Variants in TGFA observed in about 807,000 individuals in gnomAD.
TGFA encodes protransforming growth factor alpha.
In TGFA, 12 loss-of-function variants were observed where a neutral mutation model predicts 21.7. The ratio of observed to expected loss-of-function variants is 0.55; its 90% CI spans 0.35 to 0.90. TGFA has a LOEUF of 0.90. Among genes scored for constraint, TGFA ranks in the 40% least tolerant of loss-of-function variants. The probability of loss-of-function intolerance (pLI) is 0.01; values close to 1 mark genes in which losing one functional copy is unlikely to be tolerated. For missense variants in TGFA, 178 were observed against 210.8 expected (o/e 0.84, Z 0.96); for synonymous variants, 79 against 88.1 (o/e 0.90, Z 0.58).
At chr2:70,451,826 C>T in intron 5 of TGFA, 1 of 675,018 alleles carries the variant, frequency 1.5e-6, no homozygotes, top group South Asian at 1.6e-5. Context: ...CCCACTGATT[C>T]CCAGTGGGAC....
At chr2:70,502,634 G>A (rs1359322201) in intron 2 of TGFA, among the ~76,000 whole-genome samples, 1 of 152,148 alleles carries the variant, frequency 6.6e-6, no homozygotes, top group African/African-American at 2.4e-5. Flanking sequence ...TGTTCTTTAA[G>A]TGTCAAAAAT....
rs1235725090 is a variant in TGFA at position 70,448,154 on chromosome 2, T to C, written c.*2705A>G. The stretch of plus-strand genomic sequence containing the variant: ...CCCATCCCTGGCTTGGTTCCACGTG[T>C]GTCCAGCCGGGGCCCTGTCTTCCAG... On this transcript the variant is annotated 3_prime_UTR_variant, in exon 6 of 6. Coordinates refer to ENST00000295400, the MANE Select transcript of TGFA (RefSeq NM_003236.4). The C allele has an allele frequency of 6.6e-6, 1 of 152,218 alleles. No individual in the cohort carries two copies. Among genetic ancestry groups the C allele is most frequent in the Non-Finnish European group, 1.5e-5 (1 of 68,038 alleles). The allele number at this position is 152,218 out of a possible 1,614,324, so 9.4% of individuals were successfully genotyped here.
At chr2:70,535,039 GT>G (rs3836149) in intron 1 of TGFA, among the ~76,000 whole-genome samples, 4 of 150,680 alleles carry the variant, frequency 2.7e-5, no homozygotes, top group East Asian at 3.9e-4. Context: ...CCTCAGTTCA[GT>G]TTTTTTTTTA....
intron 1 of TGFA, among the ~76,000 whole-genome samples, chr2:70,547,433 A>T (rs1456762708): frequency 6.6e-6 from 1 of 151,964 alleles, no homozygotes; most frequent in Non-Finnish European, 1.5e-5. Flanking sequence ...GTCTCTACTA[A>T]AAACACAAAA....
At chr2:70,466,310 C>T (rs1670559188) in intron 2 of TGFA, among the ~76,000 whole-genome samples, 1 of 152,180 alleles carries the variant, frequency 6.6e-6, no homozygotes, top group Admixed American at 6.5e-5. Flanking sequence ...AGATCGAGAC[C>T]ATCCTGGCTA....
chr2:70,535,294 A>T (rs577905100), intron 1 of TGFA, among the ~76,000 whole-genome samples: 3 of 152,284 alleles, frequency 2.0e-5, no homozygotes, highest in African/African-American at 7.2e-5. Context: ...TAAAAAATTC[A>T]GGAGCTGAGG....
intron 1 of TGFA, among the ~76,000 whole-genome samples, chr2:70,541,375 T>C (rs563331667): frequency 1.3e-5 from 2 of 152,244 alleles, no homozygotes; most frequent in Admixed American, 1.3e-4. Context: ...AGCAATGTTG[T>C]GAAGGGAAAA....
intron 2 of TGFA, among the ~76,000 whole-genome samples, chr2:70,511,801 T>C (rs1672108495): frequency 6.6e-6 from 1 of 152,162 alleles, no homozygotes; most frequent in Non-Finnish European, 1.5e-5. Context: ...GTGATGGGTA[T>C]ACAGGAACTG....
At chr2:70,477,463 G>T (rs1670973441) in intron 2 of TGFA, among the ~76,000 whole-genome samples, 2 of 152,124 alleles carry the variant, frequency 1.3e-5, no homozygotes, top group Non-Finnish European at 2.9e-5. Flanking sequence ...CTCTCTGAAG[G>T]AGGCAGGGAA....
At chr2:70,504,491 C>A in intron 2 of TGFA, among the ~76,000 whole-genome samples, 1 of 109,968 alleles carries the variant, frequency 9.1e-6, no homozygotes, top group Admixed American at 8.7e-5. Flanking sequence ...CATACACACA[C>A]ACACACACAC....
At chr2:70,516,079 G>T (rs1553501563) in intron 1 of TGFA, among the ~76,000 whole-genome samples, 2 of 152,180 alleles carry the variant, frequency 1.3e-5, no homozygotes, top group African/African-American at 4.8e-5. Flanking sequence ...TTCTGGAAAT[G>T]GTAGCAACCT....
chr2:70,456,792 C>T (rs1553490654), intron 3 of TGFA, among the ~76,000 whole-genome samples: 1 of 152,248 alleles, frequency 6.6e-6, no homozygotes, highest in East Asian at 1.9e-4. Context: ...AAAGGCAGCA[C>T]ATGTGTTCAT....
chr2:70,489,741 A>C (rs544535354), intron 2 of TGFA, among the ~76,000 whole-genome samples: 1 of 152,328 alleles, frequency 6.6e-6, no homozygotes, highest in South Asian at 2.1e-4. Flanking sequence ...TCTCTTTTAT[A>C]GTCTAGGAAC....
rs376366308 is a variant in TGFA, at chr2:70,511,989, C to T, written c.94+2870G>A. Among the ~76,000 whole-genome samples, 11 of 151,392 alleles carry T rather than the reference C, an allele frequency of 7.3e-5. 1 individual carries two copies. The highest frequency in any genetic ancestry group is 2.2e-4 in the African/African-American group (9 of 41,296). ...GGGAGTTGGTCCCCAGTTTGAGCTG[C>T]GCCCACCACAGGATTTCAGCCCTGT... On this transcript the variant is annotated intron_variant, in intron 2 of 5. Coordinates refer to ENST00000295400, the MANE Select transcript of TGFA (RefSeq NM_003236.4).
chr2:70,503,894 C>T (rs139060040), intron 2 of TGFA, among the ~76,000 whole-genome samples: 16 of 152,320 alleles, frequency 1.1e-4, no homozygotes, highest in African/African-American at 1.9e-4. Flanking sequence ...GGGAAGACTG[C>T]GTTTTCATCC....
At chr2:70,503,579 T>TAAA (rs372379367) in intron 2 of TGFA, among the ~76,000 whole-genome samples, 8 of 134,466 alleles carry the variant, frequency 5.9e-5, no homozygotes, top group South Asian at 2.3e-4. Flanking sequence ...ATAATAATAA[T>TAAA]AATAAAAAAA....
intron 2 of TGFA, among the ~76,000 whole-genome samples, chr2:70,471,126 A>C (rs1670735580): frequency 7.5e-6 from 1 of 132,964 alleles, no homozygotes; most frequent in African/African-American, 3.0e-5. Flanking sequence ...CCACCATATA[A>C]CCAAACTTCT....
At chr2:70,493,677 C>G (rs1412261222) in intron 2 of TGFA, among the ~76,000 whole-genome samples, 1 of 152,156 alleles carries the variant, frequency 6.6e-6, no homozygotes, top group Non-Finnish European at 1.5e-5. Context: ...GGCAGCCTCA[C>G]CCATACTTAC....
intron 1 of TGFA, chr2:70,553,084 G>A: frequency 1.6e-6 from 2 of 1,279,862 alleles, no homozygotes; most frequent in Admixed American, 2.1e-5. Context: ...GCAACACTCG[G>A]TCTAGGGTTT....
Sources: gnomAD v4.1 joint callset for allele counts (sites outside exome capture counted in the v4.1 genomes callset) on GRCh38, gnomAD v4.1.1 for gene constraint, MANE v1.5 for transcripts, NCBI Gene and HGNC (gene_info 2026-07-23, HGNC 2026-07-21) for gene names.